TDP1: variants seen among roughly 807,000 people sequenced by gnomAD.
The protein encoded by TDP1 is tyrosyl-DNA phosphodiesterase 1.
TDP1 carries 64 observed loss-of-function variants against 81.5 expected under a neutral mutation model. That is an observed-to-expected ratio of 0.79 (90% confidence interval 0.64 to 0.97). The LOEUF is 0.97. TDP1 is among the 50% of genes least tolerant of loss of function. TDP1 has a pLI of 0.00. For synonymous variants in TDP1, 256 were observed against 264.3 expected (o/e 0.97, Z 0.30); for missense variants, 723 against 743.8 (o/e 0.97, Z 0.33).
intron 6 of TDP1, among the ~76,000 whole-genome samples, chr14:89,973,249 C>T (rs1405591602): frequency 2.6e-5 from 4 of 152,210 alleles, no homozygotes; most frequent in Non-Finnish European, 4.4e-5. Context: ...GGTTATACTG[C>T]AGTAGGATAG....
intron 1 of TDP1, 62 bp downstream of exon 1, chr14:89,956,032 C>T (rs1290048268): frequency 6.5e-6 from 1 of 152,836 alleles, no homozygotes; most frequent in Non-Finnish European, 1.5e-5. Context: ...GCGGTCGGGC[C>T]CGGGATCCTG....
chr14:90,020,781 C>G (rs2140273020), intron 15 of TDP1, among the ~76,000 whole-genome samples: 1 of 142,116 alleles, frequency 7.0e-6, no homozygotes, highest in East Asian at 2.0e-4. Context: ...CCTCAGACTT[C>G]AATCTGGACT....
chr14:89,967,504 C>T (rs1404407867), intron 5 of TDP1, 82 bp downstream of exon 5: 16 of 1,208,098 alleles, frequency 1.3e-5, no homozygotes, highest in Non-Finnish European at 1.9e-5. Context: ...CAGGTGAAAG[C>T]CACTCATCTT....
intron 5 of TDP1, among the ~76,000 whole-genome samples, chr14:89,968,638 AAGG>A (rs1278739851): frequency 3.9e-5 from 6 of 152,212 alleles, no homozygotes; most frequent in African/African-American, 1.4e-4. Context: ...TTTGTTAGGG[AAGG>A]AGGAGAGAAT....
At chr14:89,959,464 T>C (rs1892075991) in intron 2 of TDP1, among the ~76,000 whole-genome samples, 1 of 152,220 alleles carries the variant, frequency 6.6e-6, no homozygotes, top group South Asian at 2.1e-4. Context: ...GCGGGAGCCT[T>C]GATGTCATAA....
At chr14:89,992,105 CAT>C (rs1896252944) in intron 13 of TDP1, 122 bp downstream of exon 13, 1 of 788,932 alleles carries the variant, frequency 1.3e-6, no homozygotes, top group Non-Finnish European at 2.0e-6. Flanking sequence ...CTTTCATCTA[CAT>C]ATGTTAGTGA....
intron 5 of TDP1, among the ~76,000 whole-genome samples, chr14:89,969,277 CCTT>C (rs35413987): frequency 0.053 from 8,001 of 152,250 alleles, 345 homozygotes; most frequent in African/African-American, 0.11. Flanking sequence ...AAAGTGTCCT[CCTT>C]CTCCCTGCAT....
At chr14:90,008,371 A>G (rs1884302767) in intron 14 of TDP1, among the ~76,000 whole-genome samples, 4 of 152,184 alleles carry the variant, frequency 2.6e-5, no homozygotes, top group Admixed American at 6.5e-5. Flanking sequence ...TCATCAGTAG[A>G]GTTTTTAATT....
chr14:90,027,420 G>T (rs537661998), intron 15 of TDP1, among the ~76,000 whole-genome samples: 28 of 151,950 alleles, frequency 1.8e-4, no homozygotes, highest in Admixed American at 1.8e-3. Flanking sequence ...GGACTCCTTT[G>T]TGTGACATCA....
At position 90,019,304 on chromosome 14, in the gene TDP1, T is replaced by A. The variant is rs768248989; in HGVS notation, c.1542-12T>A. 8.2e-6 allele frequency: 13 copies of A among 1,576,974 alleles called. No individual in the cohort carries two copies. The highest frequency in any genetic ancestry group is 1.0e-5 in the Non-Finnish European group (12 of 1,146,956). ...CCCTGAGTCAGCCCTATCTGTGTCC[T>A]TGTCTCTGCAGCGCAAATCTGTCCA... is the stretch of plus-strand genomic sequence containing the variant. On this transcript the variant is annotated splice_polypyrimidine_tract_variant and intron_variant, in intron 14 of 16. Transcript: ENST00000335725.
At chr14:90,011,869 C>T (rs1380645618) in intron 14 of TDP1, among the ~76,000 whole-genome samples, 2 of 152,212 alleles carry the variant, frequency 1.3e-5, no homozygotes, top group East Asian at 3.8e-4. Context: ...AAAAGAAAAA[C>T]CCATGTTCTG....
At chr14:90,015,914 C>T (rs1340827909) in intron 14 of TDP1, among the ~76,000 whole-genome samples, 3 of 152,110 alleles carry the variant, frequency 2.0e-5, no homozygotes, top group South Asian at 2.1e-4. Flanking sequence ...TCCTAACACT[C>T]GGTAATGGTC....
chr14:89,979,598 C>T (rs113053120), intron 7 of TDP1, among the ~76,000 whole-genome samples: 2 of 152,204 alleles, frequency 1.3e-5, no homozygotes, highest in South Asian at 2.1e-4. Context: ...CATGAGCCAC[C>T]GTGCCTGGCA....
chr14:90,001,084 T>C (rs992408669), intron 14 of TDP1, among the ~76,000 whole-genome samples: 1 of 152,220 alleles, frequency 6.6e-6, no homozygotes, highest in African/African-American at 2.4e-5. Context: ...TAATATCTTA[T>C]TGCCTGTTAT....
rs1278698945 is a variant in TDP1, at chr14:89,967,482, A to T, written c.659+60A>T. On this transcript the variant is annotated intron_variant, in intron 5 of 16. Coordinates refer to ENST00000335725, the MANE Select transcript of TDP1 (RefSeq NM_018319.4). ...CTGTAAAGGGGCTTTGACACCTAAG[A>T]TTTGTATTTCTCAGGTGAAAGCCAC... The T allele has an allele frequency of 5.6e-6, 8 of 1,427,108 alleles. No homozygotes were observed. In the Admixed American group the frequency reaches 1.3e-4, roughly 24 times the overall value. 88.4% of individuals were successfully genotyped at this position (1,427,108 alleles called of 1,614,324 possible).
intron 6 of TDP1, among the ~76,000 whole-genome samples, chr14:89,972,244 G>A (rs1309177619): frequency 6.6e-6 from 1 of 152,156 alleles, no homozygotes; most frequent in Non-Finnish European, 1.5e-5. Context: ...TGTGACAGAA[G>A]GTGAAGAGGA....
chr14:89,987,587 A>G (rs1895707955), intron 10 of TDP1, among the ~76,000 whole-genome samples: 1 of 152,080 alleles, frequency 6.6e-6, no homozygotes, highest in African/African-American at 2.4e-5. Context: ...CAGGCAGTCC[A>G]TTTGGTCTCT....
intron 12 of TDP1, among the ~76,000 whole-genome samples, chr14:89,990,092 C>T (rs547521309): frequency 6.6e-6 from 1 of 152,290 alleles, no homozygotes; most frequent in Non-Finnish European, 1.5e-5. Context: ...TCCAACATAC[C>T]TTCCTCTCAT....
At chr14:90,024,699 T>C (rs1366801294) in intron 15 of TDP1, among the ~76,000 whole-genome samples, 2 of 152,224 alleles carry the variant, frequency 1.3e-5, no homozygotes, top group East Asian at 3.8e-4. Context: ...AGGAGTCCAC[T>C]GCAGTACTTA....
Sources: allele counts gnomAD v4.1 joint callset (sites outside exome capture counted in the v4.1 genomes callset), GRCh38; gene constraint gnomAD v4.1.1; transcripts MANE v1.5; gene names NCBI Gene and HGNC (gene_info 2026-07-23, HGNC 2026-07-21).